The following CDH13 variants were observed in gnomAD, a reference collection of about 807,000 sequenced individuals.
The protein encoded by CDH13 is cadherin-13.
A neutral mutation model predicts 63.8 loss-of-function variants in CDH13; 24 were observed. That is an observed-to-expected ratio of 0.38 (90% CI 0.27 to 0.53). CDH13 has a LOEUF of 0.53. CDH13 is among the 20% of genes least tolerant of loss of function. CDH13 has a pLI of 0.85. For missense variants in CDH13, 1,049 were observed against 903.1 expected (o/e 1.16, Z -2.07); for synonymous variants, 503 against 355.3 (o/e 1.42, Z -4.67).
chr16:83,342,577 T>C (rs2090749113), intron 5 of CDH13, among the ~76,000 whole-genome samples: 1 of 152,350 alleles, frequency 6.6e-6, no homozygotes, highest in South Asian at 2.1e-4. Context: ...GTTTGCATAA[T>C]TGGTTTTCTG....
At chr16:83,338,544 C>T (rs1367785297) in intron 5 of CDH13, among the ~76,000 whole-genome samples, 1 of 152,238 alleles carries the variant, frequency 6.6e-6, no homozygotes, top group Non-Finnish European at 1.5e-5. Context: ...ATTGAATTAT[C>T]ACACCAATAG....
intron 10 of CDH13, among the ~76,000 whole-genome samples, chr16:83,731,856 G>A (rs1314469397): frequency 6.6e-6 from 1 of 152,228 alleles, no homozygotes; most frequent in East Asian, 1.9e-4. Context: ...AAATTCTCGT[G>A]TATAAACTAG....
chr16:83,315,653 A>G (rs76420556), intron 5 of CDH13, among the ~76,000 whole-genome samples: 1 of 151,118 alleles, frequency 6.6e-6, no homozygotes, highest in Non-Finnish European at 1.5e-5. Flanking sequence ...AAAAAAAAAA[A>G]CAGCTCTAAG....
At chr16:83,743,136 G>T (rs1912218691) in intron 10 of CDH13, among the ~76,000 whole-genome samples, 1 of 152,302 alleles carries the variant, frequency 6.6e-6, no homozygotes, top group Non-Finnish European at 1.5e-5. Context: ...GAACCCAGGA[G>T]GCAGAGGTTG....
intron 1 of CDH13, among the ~76,000 whole-genome samples, chr16:82,855,249 A>G (rs899540605): frequency 2.0e-5 from 3 of 152,174 alleles, no homozygotes; most frequent in Admixed American, 2.0e-4. Flanking sequence ...CTGCAAAGTA[A>G]TCTCAGAGAT....
chr16:83,545,623 G>A lies in CDH13; in HGVS notation c.961-56831G>A, dbSNP rs546221080. The stretch of plus-strand genomic sequence containing the variant: ...TAAAGTCCTTCTAATGAAAAAGGCT[G>A]TAGGTGAATTTTAATCCATTAGCCA... On this transcript the variant is annotated intron_variant, in intron 7 of 13. Coordinates refer to ENST00000567109, the MANE Select transcript of CDH13 (RefSeq NM_001257.5). Among the ~76,000 whole-genome samples, 193 of 152,250 alleles carry A rather than the reference G, an allele frequency of 1.3e-3. 1 individual carries two copies. Among genetic ancestry groups the A allele is most frequent in the Non-Finnish European group, 2.0e-3 (136 of 68,018 alleles).
intron 10 of CDH13, among the ~76,000 whole-genome samples, chr16:83,737,831 A>T (rs1467196468): frequency 6.6e-6 from 1 of 152,180 alleles, no homozygotes; most frequent in African/African-American, 2.4e-5. Flanking sequence ...TATGCTTGGG[A>T]GGCAGAGATC....
intron 2 of CDH13, among the ~76,000 whole-genome samples, chr16:82,866,040 G>A (rs1186559335): frequency 6.6e-6 from 1 of 152,120 alleles, no homozygotes; most frequent in Non-Finnish European, 1.5e-5. Flanking sequence ...CTAGGGCAGG[G>A]GCAAAATGCC....
chr16:83,357,766 A>G (rs970540225), intron 6 of CDH13, among the ~76,000 whole-genome samples: 4 of 152,226 alleles, frequency 2.6e-5, no homozygotes, highest in African/African-American at 9.6e-5. Context: ...GTGGAGTTTT[A>G]GTTATAAAGC....
intron 2 of CDH13, among the ~76,000 whole-genome samples, chr16:82,909,508 G>C (rs1453208152): frequency 6.7e-6 from 1 of 149,426 alleles, no homozygotes; most frequent in East Asian, 1.9e-4. Context: ...CCGAGACTGG[G>C]TAATTTATAA....
At chr16:82,842,147 T>TATATATATATATATATAC (rs1567590566) in intron 1 of CDH13, among the ~76,000 whole-genome samples, 2 of 21,422 alleles carry the variant, frequency 9.3e-5, no homozygotes, top group African/African-American at 1.2e-4. Flanking sequence ...TACACATATA[T>TATATATATATATATATAC]ATATATATAT....
intron 5 of CDH13, among the ~76,000 whole-genome samples, chr16:83,233,333 G>A (rs1417858808): frequency 1.3e-5 from 2 of 152,208 alleles, no homozygotes; most frequent in Non-Finnish European, 2.9e-5. Context: ...ATCATAAGCA[G>A]TGCTTGCAGG....
chr16:83,579,894 A>G (rs1231910982), intron 7 of CDH13, among the ~76,000 whole-genome samples: 1 of 152,106 alleles, frequency 6.6e-6, no homozygotes, highest in Non-Finnish European at 1.5e-5. Context: ...ACAGGGGAGT[A>G]ACATTTGAGC....
At chr16:83,653,725 AT>A (rs1334691242) in intron 8 of CDH13, among the ~76,000 whole-genome samples, 6 of 152,086 alleles carry the variant, frequency 3.9e-5, no homozygotes, top group Non-Finnish European at 5.9e-5. Context: ...ACCCTGCTTT[AT>A]TTTTCTTCAA....
At chr16:83,618,879 G>A (rs1210574584) in intron 8 of CDH13, among the ~76,000 whole-genome samples, 1 of 151,830 alleles carries the variant, frequency 6.6e-6, no homozygotes, top group Non-Finnish European at 1.5e-5. Context: ...CCAGTGTGCT[G>A]AGCTCATTCT....
At chr16:83,123,934 A>G (rs8053699) in intron 3 of CDH13, among the ~76,000 whole-genome samples, 1 of 152,064 alleles carries the variant, frequency 6.6e-6, no homozygotes, top group Admixed American at 6.5e-5. Context: ...TGTCGTTTCA[A>G]TTTGCATTTC....
intron 4 of CDH13, among the ~76,000 whole-genome samples, chr16:83,213,256 C>T (rs1012879346): frequency 6.6e-6 from 1 of 152,164 alleles, no homozygotes; most frequent in African/African-American, 2.4e-5. Context: ...CTCAAGCTCT[C>T]TGAGAGAGGG....
intron 11 of CDH13, among the ~76,000 whole-genome samples, chr16:83,773,460 G>A (rs948055502): frequency 2.0e-5 from 3 of 152,170 alleles, no homozygotes; most frequent in African/African-American, 7.2e-5. Context: ...CATGGTGTCA[G>A]GAGAGAGAAG....
intron 6 of CDH13, among the ~76,000 whole-genome samples, chr16:83,445,573 T>C (rs539248504): frequency 1.3e-5 from 2 of 152,324 alleles, no homozygotes; most frequent in South Asian, 2.1e-4. Flanking sequence ...AACCAGAAGA[T>C]AGCAAGGAAC....
Sources: allele counts gnomAD v4.1 joint callset (sites outside exome capture counted in the v4.1 genomes callset), GRCh38; gene constraint gnomAD v4.1.1; transcripts MANE v1.5; gene names NCBI Gene and HGNC (gene_info 2026-07-23, HGNC 2026-07-21).